Variants in PLEKHG1 observed in about 807,000 individuals in gnomAD.
PLEKHG1 encodes the protein pleckstrin homology domain-containing family G member 1.
Under a neutral mutation model 100.8 loss-of-function variants are expected in PLEKHG1, and 44 were observed. The observed-to-expected ratio is 0.44, with a 90% confidence interval of 0.34 to 0.56. The LOEUF is 0.56. Among genes scored for constraint, PLEKHG1 ranks in the 20% least tolerant of loss-of-function variants. PLEKHG1 has a pLI of 0.01. For missense variants in PLEKHG1, 1,545 were observed against 1,720.9 expected (o/e 0.90, Z 1.81); for synonymous variants, 640 against 662.5 (o/e 0.97, Z 0.52).
At chr6:150,666,246 T>A (rs1318355362) in intron 3 of PLEKHG1, among the ~76,000 whole-genome samples, 2 of 152,198 alleles carry the variant, frequency 1.3e-5, no homozygotes, top group African/African-American at 2.4e-5. Flanking sequence ...GTTGTGGTTG[T>A]CTGAAGTCAA....
rs138610503 is a variant in PLEKHG1, at chr6:150,831,697, T to G, written c.2586T>G (p.Pro862=). The change falls in exon 15 of 16, where the codon CCT becomes CCG. Residue 862 remains proline (P), a synonymous_variant. Coordinates refer to ENST00000358517, the Ensembl canonical transcript of PLEKHG1. This position sits in a 1 kb window ranked among gnomAD's most constrained non-coding sequence, Gnocchi z 4.1. ...GAGACCGTCTCCTGGCAGCGTTTCCTGTGAGCAAGGATGATGTGCCAGACA... is the reference window on the plus strand; with the variant it reads ...GAGACCGTCTCCTGGCAGCGTTTCCGGTGAGCAAGGATGATGTGCCAGACA... 1.9e-5 allele frequency: 31 copies of G among 1,612,994 alleles called. No homozygotes were observed. The African/African-American group carries it at 4.1e-4, about 22-fold the overall frequency.
chr6:150,828,533 G>A (rs1280434279), intron 14 of PLEKHG1: 17 of 667,476 alleles, frequency 2.5e-5, no homozygotes, highest in Non-Finnish European at 3.9e-5. Context: ...ATCATTGCTG[G>A]AGATTCTGTT....
At chr6:150,822,065 T>C (rs540890163) in intron 13 of PLEKHG1, among the ~76,000 whole-genome samples, 1 of 132,220 alleles carries the variant, frequency 7.6e-6, no homozygotes, top group Admixed American at 9.0e-5. Flanking sequence ...GGTCTCGAAC[T>C]CCCAACCTCA....
chr6:150,752,211 G>A (rs1033086442), intron 2 of PLEKHG1, among the ~76,000 whole-genome samples: 2 of 152,088 alleles, frequency 1.3e-5, no homozygotes, highest in African/African-American at 4.8e-5. Context: ...AAAATATATT[G>A]TCTGTTGGCT....
chr6:150,827,333 A>G (rs1776666146), intron 14 of PLEKHG1, among the ~76,000 whole-genome samples: 1 of 147,296 alleles, frequency 6.8e-6, no homozygotes, highest in Non-Finnish European at 1.5e-5. Flanking sequence ...GCTGGAGTGC[A>G]GTGGCACAAT....
At chr6:150,677,316 A>T (rs1322232438) in intron 3 of PLEKHG1, among the ~76,000 whole-genome samples, 1 of 151,966 alleles carries the variant, frequency 6.6e-6, no homozygotes, top group Non-Finnish European at 1.5e-5. Context: ...GCGCGCGCAC[A>T]CACACCACCA....
intron 2 of PLEKHG1, among the ~76,000 whole-genome samples, chr6:150,755,803 C>T (rs1243613590): frequency 6.6e-6 from 1 of 152,154 alleles, no homozygotes. Context: ...CCGGCAGTGC[C>T]TTACCCTGTC....
intron 3 of PLEKHG1, among the ~76,000 whole-genome samples, chr6:150,677,698 C>T (rs961967259): frequency 2.4e-4 from 36 of 150,472 alleles, no homozygotes; most frequent in African/African-American, 8.4e-4. Context: ...AGTGAGATCC[C>T]GTCTCTAAAA....
At chr6:150,715,243 T>A (rs1781380449) in intron 3 of PLEKHG1, among the ~76,000 whole-genome samples, 1 of 152,222 alleles carries the variant, frequency 6.6e-6, no homozygotes, top group South Asian at 2.1e-4. Context: ...GTAATTTGGT[T>A]TGTATAACAA....
intron 1 of PLEKHG1, among the ~76,000 whole-genome samples, chr6:150,621,577 G>A (rs891448215): frequency 6.6e-6 from 1 of 152,112 alleles, no homozygotes; most frequent in African/African-American, 2.4e-5. Context: ...GTTTCACCAT[G>A]TTGGCCAGGC....
chr6:150,689,241 G>T (rs1192472306), intron 3 of PLEKHG1, among the ~76,000 whole-genome samples: 5 of 152,166 alleles, frequency 3.3e-5, no homozygotes, highest in African/African-American at 4.8e-5. Context: ...TAATGAGATG[G>T]TCTGTTCTAA....
rs189893779 is a variant in PLEKHG1 at position 150,715,427 on chromosome 6, G to A, written c.-98-18157G>A. Among the ~76,000 whole-genome samples the A allele has an allele frequency of 7.2e-5, 11 of 152,164 alleles. No individual in the cohort carries two copies. The East Asian group carries it at 1.4e-3, about 19-fold the overall frequency. On this transcript the variant is annotated intron_variant, in intron 3 of 3. Transcript: ENST00000367326. ...GTGTTCTTCTGAGGGACTTCAGTGC[G>A]GAAGTGTGACACCTTTTGGCGTGCA...
In PLEKHG1 at chr6:150,700,450, T is replaced by C. The variant is rs1424800723; in HGVS notation, c.-98-33134T>C. Among the ~76,000 whole-genome samples, 11 of 152,194 alleles carry C rather than the reference T, an allele frequency of 7.2e-5. 1 individual carries two copies. The East Asian group carries it at 2.1e-3, about 29-fold the overall frequency. ...TGTCTTAGCAAGCCTCTGGGGGGAC[T>C]CCCATGCTAGCCAAGGTGTGAGAAC... On this transcript the variant is annotated intron_variant, in intron 3 of 3. Coordinates refer to the PLEKHG1 transcript ENST00000367326.
intron 3 of PLEKHG1, among the ~76,000 whole-genome samples, chr6:150,686,311 G>T (rs1420791584): frequency 6.6e-6 from 1 of 152,192 alleles, no homozygotes; most frequent in Non-Finnish European, 1.5e-5. Context: ...GTATAATTCT[G>T]TGAACACTCC....
At chr6:150,659,869 T>G (rs1562417437) in intron 3 of PLEKHG1, among the ~76,000 whole-genome samples, 1 of 152,212 alleles carries the variant, frequency 6.6e-6, no homozygotes, top group Non-Finnish European at 1.5e-5. Context: ...CTAAAGTAAT[T>G]TGAAGGCAGG....
intron 14 of PLEKHG1, among the ~76,000 whole-genome samples, chr6:150,824,142 G>A (rs761264): frequency 0.78 from 119,389 of 152,216 alleles, 47,174 homozygotes; most frequent in South Asian, 0.86. Context: ...AGAGGTGATG[G>A]CGTATGATCG....
intron 1 of PLEKHG1, among the ~76,000 whole-genome samples, chr6:150,722,970 A>G (rs1375942086): frequency 1.3e-5 from 2 of 152,086 alleles, no homozygotes; most frequent in East Asian, 3.9e-4. Flanking sequence ...ACAAATAGAG[A>G]TTTTTTTAGC....
At chr6:150,733,481 T>C (rs937589052) in intron 1 of PLEKHG1, 103 bp from the exon 3 acceptor site, 24 of 1,018,278 alleles carry the variant, frequency 2.4e-5, no homozygotes, top group Non-Finnish European at 3.2e-5. Context: ...TTGGCCACCT[T>C]GTTATTGACT....
chr6:150,733,611 C>T (rs774193515), exon 2 of PLEKHG1: 22 of 1,613,154 alleles, frequency 1.4e-5, no homozygotes, highest in Non-Finnish European at 1.7e-5. Context: ...CTTGAAGTGC[C>T]ATCAGCTGTA....
Sources: gnomAD v4.1 joint callset for allele counts (sites outside exome capture counted in the v4.1 genomes callset) on GRCh38, gnomAD v4.1.1 for gene constraint, Gnocchi (gnomAD v3.1) non-coding constraint, MANE v1.5 for transcripts, NCBI Gene and HGNC (gene_info 2026-07-23, HGNC 2026-07-21) for gene names.